KLHL15: variants seen among roughly 807,000 people sequenced by gnomAD.
The protein encoded by KLHL15 is kelch-like protein 15.
In KLHL15, 1 loss-of-function variant was observed where a neutral mutation model predicts 29.3. That is an observed-to-expected ratio of 0.03 (90% CI 0.01 to 0.16). The LOEUF is 0.16. Ranked by LOEUF, KLHL15 falls within the 10% of genes least tolerant of loss-of-function variation. The pLI is 1.00. For synonymous variants in KLHL15, 212 were observed against 184.5 expected (o/e 1.15, Z -1.21); for missense variants, 215 against 478.5 (o/e 0.45, Z 5.14).
chrX:24,014,642 G>T (rs1230729456), intron 2 of KLHL15, among the ~76,000 whole-genome samples: 1 of 111,427 alleles, frequency 9.0e-6, no homozygotes, highest in Non-Finnish European at 1.9e-5. Context: ...TTGGTAAACT[G>T]TGAGTCAGAA....
intron 2 of KLHL15, among the ~76,000 whole-genome samples, chrX:24,007,478 A>G (rs1344083947): frequency 5.6e-5 from 5 of 88,745 alleles, no homozygotes; most frequent in Non-Finnish European, 8.6e-5. Context: ...GGGAGACAGC[A>G]AGACCCCATT....
rs759615775 is a variant in KLHL15 at position 24,016,289 on chromosome X, G to A, written c.-8+8568C>T. Among the ~76,000 whole-genome samples the A allele has an allele frequency of 2.0e-3, 180 of 90,105 alleles. 1 individual carries two copies. The highest frequency in any genetic ancestry group is 7.2e-3 in the African/African-American group (172 of 23,960). The allele number at this position is 90,105 out of a possible 115,157, so 78.2% of individuals were successfully genotyped here. A position where few individuals can be genotyped will look rare whatever the true frequency, so the allele number is the denominator to read the frequency against. ...TGGAAGGCAGAGCTTGCAGTGAGCCGAGATGGTGCCACTGCACTCCAGCCT... is the reference window on the plus strand; with the variant it reads ...TGGAAGGCAGAGCTTGCAGTGAGCCAAGATGGTGCCACTGCACTCCAGCCT... On this transcript the variant is annotated intron_variant, in intron 2 of 3. Coordinates refer to ENST00000328046, the MANE Select transcript of KLHL15 (RefSeq NM_030624.3).
At chrX:24,003,510 G>A (rs1929374801) in intron 3 of KLHL15, among the ~76,000 whole-genome samples, 1 of 104,316 alleles carries the variant, frequency 9.6e-6, no homozygotes, top group Admixed American at 1.1e-4. Flanking sequence ...CCTAGATCGT[G>A]CCACCGCACT....
intron 3 of KLHL15, among the ~76,000 whole-genome samples, chrX:23,992,937 A>C (rs921081764): frequency 3.6e-5 from 4 of 111,917 alleles, no homozygotes; most frequent in African/African-American, 1.3e-4. Context: ...ATGTGGAATA[A>C]ATGGCATTTT....
chrX:24,006,342 T>G lies in KLHL15; in HGVS notation c.352A>C (p.Lys118Gln). 4 of 1,211,249 alleles carry G rather than the reference T, an allele frequency of 3.3e-6. No homozygotes were observed. ...GCTAAGAGAAAAGAGCAGCAGAACT[T>G]CACCACTTCTATAAGTTGAACATAC... is the stretch of plus-strand genomic sequence containing the variant. ...AMYVQLIEVV[K>Q]FCCSFLLAKI... The change falls in exon 3 of 4, where the codon AAG becomes CAG. Residue 118 changes from lysine to glutamine, a missense_variant. Physicochemically the swap from Lys to Gln is moderately conservative, Grantham distance 53. Coordinates refer to ENST00000328046, the MANE Select transcript of KLHL15 (RefSeq NM_030624.3).
intron 3 of KLHL15, among the ~76,000 whole-genome samples, chrX:23,998,417 C>T (rs1451408352): frequency 9.1e-6 from 1 of 110,088 alleles, no homozygotes; most frequent in African/African-American, 3.3e-5. Flanking sequence ...CCACCATGCC[C>T]GGCTAATTTT....
At chrX:24,019,666 C>T (rs906593702) in intron 2 of KLHL15, among the ~76,000 whole-genome samples, 1 of 111,224 alleles carries the variant, frequency 9.0e-6, no homozygotes, top group African/African-American at 3.3e-5. Flanking sequence ...CACACACACA[C>T]GTGCACGCAC....
chrX:23,992,269 G>C (rs1405351305), intron 3 of KLHL15, among the ~76,000 whole-genome samples: 2 of 112,350 alleles, frequency 1.8e-5, no homozygotes, highest in Non-Finnish European at 3.8e-5. Flanking sequence ...AGAAGTGAGA[G>C]TACGTGAAAA....
At chrX:24,013,445 A>G (rs777549963) in intron 2 of KLHL15, among the ~76,000 whole-genome samples, 54 of 109,859 alleles carry the variant, frequency 4.9e-4, no homozygotes, top group Non-Finnish European at 4.7e-4. Context: ...TTTTATTTTT[A>G]GTAGAGAAGG....
chrX:24,011,102 C>T (rs952770028), intron 2 of KLHL15, among the ~76,000 whole-genome samples: 6 of 107,749 alleles, frequency 5.6e-5, no homozygotes, highest in Non-Finnish European at 1.2e-4. Flanking sequence ...TCCATGATAC[C>T]CTTTATTCAA....
intron 2 of KLHL15, among the ~76,000 whole-genome samples, chrX:24,019,413 G>A (rs1205562851): frequency 1.8e-5 from 2 of 110,349 alleles, no homozygotes; most frequent in Admixed American, 9.8e-5. Flanking sequence ...CCACCACCAC[G>A]CCCAGCTCAT....
chrX:24,007,274 C>G (rs1421369905), intron 2 of KLHL15, among the ~76,000 whole-genome samples: 5 of 108,508 alleles, frequency 4.6e-5, no homozygotes, highest in Non-Finnish European at 9.5e-5. Context: ...GGGTGGATCA[C>G]CTGAGGTCAG....
At chrX:24,007,508 A>AAT (rs759758947) in intron 2 of KLHL15, among the ~76,000 whole-genome samples, 799 of 35,777 alleles carry the variant, frequency 0.022, 18 homozygotes, top group Middle Eastern at 0.029. Context: ...AAAAAAAAAA[A>AAT]ATATATATAT....
At chrX:24,001,529 C>T (rs886555072) in intron 3 of KLHL15, among the ~76,000 whole-genome samples, 1 of 110,781 alleles carries the variant, frequency 9.0e-6, no homozygotes, top group Non-Finnish European at 1.9e-5. Flanking sequence ...ATAGGCTGGG[C>T]GTGGTGGCTC....
intron 3 of KLHL15, among the ~76,000 whole-genome samples, chrX:23,999,460 T>G (rs979807102): frequency 1.8e-5 from 2 of 108,580 alleles, no homozygotes; most frequent in African/African-American, 6.7e-5. Context: ...CCGGGCGCGG[T>G]GGCGGGCGCC....
At chrX:24,026,823 CTG>C (rs1267264082) in intron 1 of KLHL15, among the ~76,000 whole-genome samples, 2 of 111,727 alleles carry the variant, frequency 1.8e-5, no homozygotes, top group East Asian at 2.8e-4. Context: ...TTTAAAAAAA[CTG>C]TAAGACACTG....
intron 3 of KLHL15, among the ~76,000 whole-genome samples, chrX:24,004,734 G>A (rs1473364995): frequency 9.4e-6 from 1 of 106,450 alleles, no homozygotes; most frequent in Non-Finnish European, 1.9e-5. Context: ...AGTTTGCAGC[G>A]AGCCAAGATC....
Position 24,006,444 on chromosome X carries a change from G to A in KLHL15, c.250C>T (p.His84Tyr). ...LKGLTATGFS[H>Y]VLQFMYYGTI... ...CCATAGTACATAAATTGCAGGACAT[G>A]GCTGAAACCGGTAGCTGTTAGACCT... Residue 84 changes from histidine (H) to tyrosine (Y), a missense_variant, in exon 3 of 4, where the codon CAT becomes TAT. By Grantham distance (83) the His-to-Tyr change is moderately conservative. Transcript: ENST00000328046. 8.3e-7 allele frequency: 1 copy of A among 1,210,758 alleles called. No individual in the cohort carries two copies. The highest frequency in any genetic ancestry group is 1.8e-5 in the South Asian group (1 of 56,934).
chrX:24,007,670 A>G (rs1359783353), intron 2 of KLHL15, among the ~76,000 whole-genome samples: 1 of 108,476 alleles, frequency 9.2e-6, no homozygotes, highest in African/African-American at 3.3e-5. Context: ...ATACTAAATA[A>G]TGAGAAAAGG....
Sources: gnomAD v4.1 joint callset for allele counts (sites outside exome capture counted in the v4.1 genomes callset) on GRCh38, gnomAD v4.1.1 for gene constraint, MANE v1.5 for transcripts, NCBI Gene and HGNC (gene_info 2026-07-23, HGNC 2026-07-21) for gene names.